Variants in LEPR observed in about 807,000 individuals in gnomAD.
The protein encoded by LEPR is leptin receptor.
Under a neutral mutation model 114.7 loss-of-function variants are expected in LEPR, and 56 were observed. The observed-to-expected ratio is 0.49, with a 90% CI of 0.39 to 0.61. LEPR has a LOEUF of 0.61. Ranked by LOEUF, LEPR falls within the 20% of genes least tolerant of loss-of-function variation. The probability of loss-of-function intolerance (pLI) is 0.00; values close to 1 mark genes in which losing one functional copy is unlikely to be tolerated. For synonymous variants in LEPR, 443 were observed against 461.4 expected (o/e 0.96, Z 0.51); for missense variants, 1,202 against 1,352.9 (o/e 0.89, Z 1.75).
At chr1:65,487,797 C>G (rs1198540942) in intron 2 of LEPR, among the ~76,000 whole-genome samples, 1 of 151,912 alleles carries the variant, frequency 6.6e-6, no homozygotes, top group Admixed American at 6.6e-5. Flanking sequence ...ATGTGTAACA[C>G]CTCAGGGTAA....
At chr1:65,611,462 C>T (rs1023795608) in intron 14 of LEPR, among the ~76,000 whole-genome samples, 2 of 152,180 alleles carry the variant, frequency 1.3e-5, no homozygotes, top group Non-Finnish European at 2.9e-5. Flanking sequence ...GGGCACTGTT[C>T]CAGATACCTG....
At chr1:65,421,590 A>C (rs889712723) in intron 1 of LEPR, 68 of 1,031,292 alleles carry the variant, frequency 6.6e-5, no homozygotes, top group Non-Finnish European at 9.6e-5. Flanking sequence ...ACATGTAGAT[A>C]GTATATATAC....
At position 65,488,232 on chromosome 1, in the gene LEPR, C is replaced by CTTTCTT. The variant is rs1647665421; in HGVS notation, c.-21+62856_-21+62861dup. Among the ~76,000 whole-genome samples, 341 of 72,798 alleles carry CTTTCTT rather than the reference C, an allele frequency of 4.7e-3. 15 individuals carry two copies. The highest frequency in any genetic ancestry group is 0.02 in the Middle Eastern group (2 of 98). The allele number at this position is 72,798 out of a possible 152,430, so 47.8% of individuals were successfully genotyped here. On this transcript the variant is annotated intron_variant, in intron 2 of 19. Transcript: ENST00000349533. ...TCTTTCTCTCTCTCTCTCTCTCTTTCTTTCTTTCTTTCTTTCTTTCTTTCT... is the reference window on the plus strand; with the variant it reads ...TCTTTCTCTCTCTCTCTCTCTCTTTCTTTCTTTTTCTTTCTTTCTTTCTTTCTTTCT...
intron 5 of LEPR, among the ~76,000 whole-genome samples, 167 bp from the exon 6 acceptor site, chr1:65,592,490 G>A (rs1023690071): frequency 6.8e-6 from 1 of 146,840 alleles, no homozygotes; most frequent in Non-Finnish European, 1.5e-5. Context: ...TTAACCTGCT[G>A]TAATCTTTAT....
intron 1 of LEPR, among the ~76,000 whole-genome samples, chr1:65,421,116 A>T (rs531165513): frequency 6.6e-6 from 1 of 151,934 alleles, no homozygotes; most frequent in African/African-American, 2.4e-5. Flanking sequence ...GCAGTTTCCT[A>T]TTTGCCACAA....
intron 10 of LEPR, among the ~76,000 whole-genome samples, chr1:65,603,714 TTG>T (rs1656614849): frequency 2.0e-5 from 3 of 151,592 alleles, no homozygotes; most frequent in South Asian, 2.1e-4. Flanking sequence ...TTTTTTTTTT[TTG>T]ATTCATCAGC....
At chr1:65,610,629 A>G (rs1482598709) in intron 14 of LEPR, among the ~76,000 whole-genome samples, 2 of 152,190 alleles carry the variant, frequency 1.3e-5, no homozygotes, top group Non-Finnish European at 2.9e-5. Flanking sequence ...GGAGTCTAAA[A>G]ATTGTATTCA....
chr1:65,539,920 C>G (rs12403114), intron 2 of LEPR, among the ~76,000 whole-genome samples: 11,303 of 152,130 alleles, frequency 0.074, 1,115 homozygotes, highest in East Asian at 0.52. Flanking sequence ...TGGGTGTGGT[C>G]TTGGCTGTGT....
At chr1:65,459,047 CT>C (rs1646912692) in intron 2 of LEPR, among the ~76,000 whole-genome samples, 1 of 152,126 alleles carries the variant, frequency 6.6e-6, no homozygotes, top group Non-Finnish European at 1.5e-5. Context: ...GTAAATACAC[CT>C]TTAGTGTGAG....
chr1:65,532,524 T>C (rs1014064141), intron 2 of LEPR, among the ~76,000 whole-genome samples: 5 of 152,114 alleles, frequency 3.3e-5, no homozygotes, highest in African/African-American at 1.2e-4. Context: ...ACACAAAAAG[T>C]TGTACAGAAG....
At chr1:65,564,292 T>G (rs2100776905) in intron 2 of LEPR, among the ~76,000 whole-genome samples, 1 of 147,532 alleles carries the variant, frequency 6.8e-6, no homozygotes, top group Middle Eastern at 3.5e-3. Context: ...AAGCGCAGTA[T>G]TCGGGTGGGA....
At chr1:65,550,354 C>A (rs568644241) in intron 2 of LEPR, among the ~76,000 whole-genome samples, 1 of 152,338 alleles carries the variant, frequency 6.6e-6, no homozygotes, top group East Asian at 1.9e-4. Context: ...CGCTGTCAGA[C>A]AGGAACATTT....
At chr1:65,493,071 T>C (rs1456832722) in intron 2 of LEPR, among the ~76,000 whole-genome samples, 1 of 152,060 alleles carries the variant, frequency 6.6e-6, no homozygotes, top group East Asian at 1.9e-4. Context: ...TGCAGTTTGT[T>C]CTGCAGCATC....
chr1:65,421,384 C>A, intron 1 of LEPR: 1 of 1,536,064 alleles, frequency 6.5e-7, no homozygotes, highest in Non-Finnish European at 8.7e-7. Context: ...TTGGTAAAAA[C>A]ACCGCGTCCC....
chr1:65,462,541 T>C (rs1267427960), intron 2 of LEPR, among the ~76,000 whole-genome samples: 1 of 152,208 alleles, frequency 6.6e-6, no homozygotes, highest in Non-Finnish European at 1.5e-5. Context: ...GGTCAAATGG[T>C]ATTTCTAGTT....
intron 2 of LEPR, chr1:65,525,981 C>G: frequency 1.3e-6 from 1 of 764,144 alleles, no homozygotes; most frequent in Non-Finnish European, 1.6e-6. Context: ...GAGGGGCCAG[C>G]GCCCGGCGGG....
intron 14 of LEPR, among the ~76,000 whole-genome samples, chr1:65,611,703 C>T (rs1657181143): frequency 3.3e-5 from 5 of 152,198 alleles, no homozygotes; most frequent in Admixed American, 3.3e-4. Flanking sequence ...ATGGATTCCA[C>T]ATTTCCTCAG....
chr1:65,442,181 A>G (rs982444922), intron 2 of LEPR, among the ~76,000 whole-genome samples: 10 of 152,208 alleles, frequency 6.6e-5, no homozygotes, highest in Admixed American at 5.9e-4. Context: ...AAAATAAAAT[A>G]AAATGAAAAG....
intron 14 of LEPR, among the ~76,000 whole-genome samples, chr1:65,615,314 G>A (rs959653138): frequency 2.0e-5 from 3 of 152,020 alleles, no homozygotes; most frequent in Non-Finnish European, 4.4e-5. Context: ...GGGGAAATGG[G>A]GTACACTGTT....
Sources: gnomAD v4.1 joint callset for allele counts (sites outside exome capture counted in the v4.1 genomes callset) on GRCh38, gnomAD v4.1.1 for gene constraint, MANE v1.5 for transcripts, NCBI Gene and HGNC (gene_info 2026-07-23, HGNC 2026-07-21) for gene names.